Variants in LHX3 observed in about 807,000 individuals in gnomAD.
LHX3 encodes the protein LIM/homeobox protein Lhx3.
In LHX3, 21 loss-of-function variants were observed where a neutral mutation model predicts 32.4. The observed-to-expected ratio is 0.65, with a 90% CI of 0.46 to 0.93. The LOEUF (loss-of-function observed/expected upper bound fraction) is 0.93, where lower values mean the gene tolerates loss of function less well. LHX3 is among the 40% of genes least tolerant of loss of function. The probability of loss-of-function intolerance (pLI) is 0.00; values close to 1 mark genes in which losing one functional copy is unlikely to be tolerated. For missense variants in LHX3, 626 were observed against 560.0 expected, an observed-to-expected ratio of 1.12 and a Z score of -1.19; for synonymous variants, 258 against 246.8, an observed-to-expected ratio of 1.05 and a Z score of -0.43.
rs544993271 is a variant in LHX3, at chr9:136,198,772, C to T, written c.655G>A (p.Ala219Thr). ...RAKEKRLKKD[A>T]GRQRWGQYFR... Reference sequence around the variant, plus strand: ...TACTGCCCCCAGCGCTGCCGGCCGGCGTCCTTCTTCAGCCTCTTCTCCTTG... The same window carrying T: ...TACTGCCCCCAGCGCTGCCGGCCGGTGTCCTTCTTCAGCCTCTTCTCCTTG... Residue 219 changes from alanine (A) to threonine (T), a missense_variant, in exon 5 of 6, where the codon GCC becomes ACC. Coordinates refer to ENST00000371748, the MANE Select transcript of LHX3 (RefSeq NM_178138.6). 1.2e-6 allele frequency: 2 copies of T among 1,611,070 alleles called. No individual in the cohort carries two copies. Among genetic ancestry groups the T allele is most frequent in the Non-Finnish European group, 1.7e-6 (2 of 1,179,758 alleles).
At chr9:136,201,009 G>A (rs1361469038) in intron 1 of LHX3, among the ~76,000 whole-genome samples, 1 of 152,222 alleles carries the variant, frequency 6.6e-6, no homozygotes, top group Non-Finnish European at 1.5e-5. Context: ...GAGCAAGAAA[G>A]CAGCCCAGGC....
In LHX3 at chr9:136,203,120, C is replaced by T; in HGVS notation, c.79+1814G>A. On this transcript the variant is annotated intron_variant, in intron 1 of 5. Coordinates refer to ENST00000371748, the MANE Select transcript of LHX3 (RefSeq NM_178138.6). ...GACGCCACCCCGCAATAGCCCCGAACCGGCGTCCAAGCGACTCCGGGTGCT... is the reference window on the plus strand; with the variant it reads ...GACGCCACCCCGCAATAGCCCCGAATCGGCGTCCAAGCGACTCCGGGTGCT... 24 of 1,438,410 alleles carry T rather than the reference C, an allele frequency of 1.7e-5. No homozygotes were observed. In the South Asian group the frequency reaches 2.3e-4, roughly 14 times the overall value. The allele number at this position is 1,438,410 out of a possible 1,614,324, so 89.1% of individuals were successfully genotyped here.
intron 1 of LHX3, among the ~76,000 whole-genome samples, chr9:136,202,777 G>T (rs1831675679): frequency 6.6e-6 from 1 of 152,200 alleles, no homozygotes; most frequent in Non-Finnish European, 1.5e-5. Flanking sequence ...ACCCAGGCCA[G>T]GGGCCCTGCA....
intron 1 of LHX3, among the ~76,000 whole-genome samples, chr9:136,204,470 G>A (rs991600326): frequency 6.6e-6 from 1 of 152,208 alleles, no homozygotes; most frequent in Non-Finnish European, 1.5e-5. Flanking sequence ...CCACCCTGCT[G>A]GCATCTGGCC....
rs373489983 is a variant in LHX3, at chr9:136,205,042, G to A, written c.-30C>T. Reference sequence around the variant, plus strand: ...GCCACCAGGCCGAGTGGCGCGAGACGCGCTCCTCCTAGGTCAGCGTCCCCT... The same window carrying A: ...GCCACCAGGCCGAGTGGCGCGAGACACGCTCCTCCTAGGTCAGCGTCCCCT... On this transcript the variant is annotated 5_prime_UTR_variant, in exon 1 of 6. Coordinates refer to ENST00000371748, the MANE Select transcript of LHX3 (RefSeq NM_178138.6). The A allele has an allele frequency of 1.8e-5, 28 of 1,548,290 alleles. No homozygotes were observed. The African/African-American group carries it at 3.5e-4, about 20-fold the overall frequency.
chr9:136,200,512 T>G, intron 2 of LHX3, 70 bp downstream of exon 2: 7 of 1,515,208 alleles, frequency 4.6e-6, no homozygotes, highest in Non-Finnish European at 5.4e-6. Context: ...CCTTGGTGAT[T>G]GTGAGGGGAG....
At chr9:136,202,422 GA>G (rs1446994344) in intron 1 of LHX3, among the ~76,000 whole-genome samples, 3 of 152,172 alleles carry the variant, frequency 2.0e-5, no homozygotes, top group African/African-American at 7.2e-5. Flanking sequence ...GCCTGGAGAA[GA>G]GAGGCTTTTT....
intron 1 of LHX3, chr9:136,201,185 C>T (rs745927872): frequency 3.7e-6 from 5 of 1,354,916 alleles, no homozygotes; most frequent in Middle Eastern, 2.7e-4. Context: ...GGCACCCCAT[C>T]GGGTCTCCTT....
intron 1 of LHX3, chr9:136,201,176 G>A (rs1831631825): frequency 1.5e-6 from 2 of 1,360,946 alleles, no homozygotes; most frequent in South Asian, 2.1e-5. Context: ...TGGAGCTGGG[G>A]CACCCCATCG....
In LHX3 at chr9:136,199,764, C is replaced by G; in HGVS notation, c.368G>C (p.Arg123Pro). ...LHCFACVVCK[R>P]QLATGDEFYL... ...GAACTCGTCGCCCGTGGCCAGCTGC[C>G]GCTTGCACACGACGCAGGCAAAGCA... The change falls in exon 3 of 6, where the codon CGG (arginine) becomes CCG (proline). Residue 123 changes from arginine to proline, a missense_variant. Physicochemically the swap from Arg to Pro is moderately radical, Grantham distance 103. Transcript: ENST00000371748. 3.1e-6 allele frequency: 5 copies of G among 1,612,914 alleles called. No individual in the cohort carries two copies. The highest frequency in any genetic ancestry group is 4.2e-6 in the Non-Finnish European group (5 of 1,179,896).
At chr9:136,204,166 T>C (rs534590355) in intron 1 of LHX3, among the ~76,000 whole-genome samples, 2 of 152,360 alleles carry the variant, frequency 1.3e-5, no homozygotes, top group Admixed American at 6.5e-5. Flanking sequence ...CTGTGAGCTT[T>C]AAGGGCCCAG....
rs1831533070 is a variant in LHX3, at chr9:136,197,737, G to C, written c.782C>G (p.Pro261Arg). Residue 261 changes from proline (P) to arginine (R), a missense_variant, in exon 6 of 6, where the codon CCT becomes CGT. By Grantham distance (103) the Pro-to-Arg change is moderately radical. Coordinates refer to ENST00000371748, the MANE Select transcript of LHX3 (RefSeq NM_178138.6). ...SDAEVSFPDEPSLAEMGPANG... is the reference protein window; with the variant it reads ...SDAEVSFPDERSLAEMGPANG... ...GGCCGGGCCCATTTCCGCCAAGGAA[G>C]GCTCATCTGCAACAGAAGCAGAGGC... is the stretch of plus-strand genomic sequence containing the variant. The C allele has an allele frequency of 3.1e-6, 5 of 1,601,500 alleles. No individual in the cohort carries two copies. Among genetic ancestry groups the C allele is most frequent in the Non-Finnish European group, 4.2e-6 (5 of 1,179,754 alleles).
In LHX3 at chr9:136,196,393, C is replaced by G. The variant is rs1188987573; in HGVS notation, c.*932G>C. ...TGACTTTGACTTACACACAGGCCAG[C>G]CTTTGTGTCTGGGGCACGCACAGCT... On this transcript the variant is annotated 3_prime_UTR_variant, in exon 6 of 6. Coordinates refer to ENST00000371748, the MANE Select transcript of LHX3 (RefSeq NM_178138.6). 1.3e-5 allele frequency: 2 copies of G among 152,516 alleles called. No individual in the cohort carries two copies. The highest frequency in any genetic ancestry group is 2.4e-5 in the African/African-American group (1 of 41,478). 9.4% of individuals were successfully genotyped at this position (152,516 alleles called of 1,614,324 possible).
At chr9:136,201,042 A>G in intron 1 of LHX3, 7 of 1,076,390 alleles carry the variant, frequency 6.5e-6, no homozygotes, top group Non-Finnish European at 7.8e-6. Flanking sequence ...CTGAATACTC[A>G]ATTACAAAAT....
intron 1 of LHX3, among the ~76,000 whole-genome samples, chr9:136,202,006 C>T (rs982627559): frequency 1.3e-5 from 2 of 152,088 alleles, no homozygotes; most frequent in South Asian, 4.1e-4. Context: ...GCCGCGCCCG[C>T]GACCCCAGCC....
chr9:136,197,304 C>G lies in LHX3; in HGVS notation c.*21G>C. 1 of 1,610,826 alleles carries G rather than the reference C, an allele frequency of 6.2e-7. No homozygotes were observed. The highest frequency in any genetic ancestry group is 8.5e-7 in the Non-Finnish European group (1 of 1,179,640). ...AGGGGCAGCTCCCTCGTGTGAGGTG[C>G]AGGGTGGAGCCGGGCCTGGGTCAGA... On this transcript the variant is annotated 3_prime_UTR_variant, in exon 6 of 6. Transcript: ENST00000371748.
chr9:136,201,229 C>A, intron 1 of LHX3: 1 of 1,282,282 alleles, frequency 7.8e-7, no homozygotes, highest in South Asian at 3.2e-5. Context: ...TTTCTAGGGA[C>A]TCCTCGCAAA....
chr9:136,203,300 G>C (rs376199414), intron 1 of LHX3: 4 of 288,014 alleles, frequency 1.4e-5, no homozygotes, highest in East Asian at 3.5e-4. Context: ...TTTGCGCCGG[G>C]ACCTGCGGTG....
chr9:136,200,892 C>T, intron 1 of LHX3, 139 bp from the exon 2 acceptor site: 1 of 1,054,318 alleles, frequency 9.5e-7, no homozygotes, highest in Non-Finnish European at 1.4e-6. Flanking sequence ...CCTACACACC[C>T]TCTTCCCCAG....
Sources: gnomAD v4.1 joint callset for allele counts (sites outside exome capture counted in the v4.1 genomes callset) on GRCh38, gnomAD v4.1.1 for gene constraint, MANE v1.5 for transcripts, NCBI Gene and HGNC (gene_info 2026-07-23, HGNC 2026-07-21) for gene names.